SORL1: variants seen among roughly 807,000 people sequenced by gnomAD.
The protein encoded by SORL1 is sortilin-related receptor.
A neutral mutation model predicts 273.7 loss-of-function variants in SORL1; 127 were observed. The observed-to-expected ratio is 0.46, with a 90% confidence interval of 0.40 to 0.54. The LOEUF (loss-of-function observed/expected upper bound fraction) is 0.54. Ranked by LOEUF, SORL1 falls within the 20% of genes least tolerant of loss-of-function variation. The probability of loss-of-function intolerance (pLI) is 0.00; values close to 1 mark genes in which losing one functional copy is unlikely to be tolerated. For missense variants in SORL1, 2,494 were observed against 2,846.1 expected (o/e 0.88, Z 2.81); for synonymous variants, 1,031 against 1,067.4 (o/e 0.97, Z 0.66).
In SORL1 at chr11:121,589,383, C is replaced by T. The variant is rs1436823382; in HGVS notation, c.4071C>T (p.Ala1357=). Residue 1357 remains alanine (A), a synonymous_variant, in exon 29 of 48, where the codon GCC becomes GCT. Transcript: ENST00000260197. Reference sequence around the variant, plus strand: ...ATTGCGGCGATTATTCTGATGAAGCCAACTGCGGTAAGATGTCCAGTCTGC... The same window carrying T: ...ATTGCGGCGATTATTCTGATGAAGCTAACTGCGGTAAGATGTCCAGTCTGC... ...MDDCGDYSDE[A]NCENPTEAPN... is the part of the protein sequence containing the mutation. 1.9e-6 allele frequency: 3 copies of T among 1,613,158 alleles called. No homozygotes were observed. The highest frequency in any genetic ancestry group is 2.5e-6 in the Non-Finnish European group (3 of 1,179,186).
intron 27 of SORL1, among the ~76,000 whole-genome samples, chr11:121,587,724 G>T (rs1863138615): frequency 6.6e-6 from 1 of 152,058 alleles, no homozygotes; most frequent in South Asian, 2.1e-4. Flanking sequence ...TTCACTTTTG[G>T]CTTCATCTTC....
intron 11 of SORL1, among the ~76,000 whole-genome samples, chr11:121,525,534 A>T (rs1016431529): frequency 1.3e-5 from 2 of 152,196 alleles, no homozygotes; most frequent in African/African-American, 4.8e-5. Flanking sequence ...TCCCTTTTAC[A>T]TTTCCACCAA....
intron 25 of SORL1, among the ~76,000 whole-genome samples, chr11:121,580,650 G>A (rs1466143205): frequency 1.4e-5 from 2 of 147,002 alleles, no homozygotes; most frequent in Non-Finnish European, 3.0e-5. Flanking sequence ...TGTCTCCCAG[G>A]CTGGAGGGTA....
intron 24 of SORL1, among the ~76,000 whole-genome samples, chr11:121,576,094 T>A (rs1174848462): frequency 6.6e-6 from 1 of 152,252 alleles, no homozygotes; most frequent in Non-Finnish European, 1.5e-5. Flanking sequence ...TGGCTGCTCC[T>A]GTTTTCTGAC....
chr11:121,466,332 G>A (rs1861081870), intron 1 of SORL1, among the ~76,000 whole-genome samples: 1 of 152,072 alleles, frequency 6.6e-6, no homozygotes, highest in South Asian at 2.1e-4. Context: ...ATTGGCGATG[G>A]AAAAAGGCTT....
At chr11:121,486,011 C>A (rs527736475) in intron 3 of SORL1, among the ~76,000 whole-genome samples, 1 of 152,254 alleles carries the variant, frequency 6.6e-6, no homozygotes, top group East Asian at 1.9e-4. Flanking sequence ...GTGAGCACAT[C>A]TGAAAGCAGC....
intron 12 of SORL1, among the ~76,000 whole-genome samples, chr11:121,541,205 T>A (rs1862342989): frequency 7.8e-6 from 1 of 128,396 alleles, no homozygotes; most frequent in Non-Finnish European, 1.8e-5. Flanking sequence ...AGCAGTATCT[T>A]TTTTTTTTTT....
At chr11:121,529,581 T>G (rs905689057) in intron 11 of SORL1, among the ~76,000 whole-genome samples, 8 of 148,652 alleles carry the variant, frequency 5.4e-5, no homozygotes, top group African/African-American at 1.7e-4. Context: ...ATTTAAAGTG[T>G]TTTTTTTTTC....
intron 2 of SORL1, among the ~76,000 whole-genome samples, chr11:121,471,485 C>G (rs918276248): frequency 1.3e-5 from 2 of 152,230 alleles, no homozygotes; most frequent in South Asian, 2.1e-4. Context: ...GGAGCAGCCC[C>G]TGCCTCAGCC....
chr11:121,553,699 C>G (rs1433501922), intron 16 of SORL1, among the ~76,000 whole-genome samples: 1 of 152,178 alleles, frequency 6.6e-6, no homozygotes, highest in Non-Finnish European at 1.5e-5. Flanking sequence ...AAAAACATAA[C>G]AAGTAAAACA....
rs1450489995 is a variant in SORL1, at chr11:121,546,395, A to G, written c.2051+966A>G. Among the ~76,000 whole-genome samples, 4 of 152,204 alleles carry G rather than the reference A, an allele frequency of 2.6e-5. No homozygotes were observed. The East Asian group carries it at 5.8e-4, about 22-fold the overall frequency. Reference sequence around the variant, plus strand: ...GCTGTAGGAAGAGGATTCTAGTGGCAGAGTACAGAGGATCTCAGAGCTCCT... The same window carrying G: ...GCTGTAGGAAGAGGATTCTAGTGGCGGAGTACAGAGGATCTCAGAGCTCCT... On this transcript the variant is annotated intron_variant, in intron 14 of 47. Transcript: ENST00000260197.
At chr11:121,461,045 G>C (rs116627213) in intron 1 of SORL1, among the ~76,000 whole-genome samples, 2 of 152,224 alleles carry the variant, frequency 1.3e-5, no homozygotes, top group African/African-American at 4.8e-5. Flanking sequence ...TGAGTGTCCT[G>C]TGAAACCAGA....
chr11:121,571,897 T>C (rs935029033), intron 23 of SORL1, among the ~76,000 whole-genome samples: 2 of 152,224 alleles, frequency 1.3e-5, no homozygotes, highest in African/African-American at 4.8e-5. Flanking sequence ...ATAAGGCCTA[T>C]AAAGCCTCCT....
chr11:121,592,381 C>T (rs1261185133), intron 31 of SORL1, among the ~76,000 whole-genome samples: 3 of 152,220 alleles, frequency 2.0e-5, no homozygotes, highest in African/African-American at 4.8e-5. Context: ...ATCAGAATTT[C>T]TGGGTGGAGC....
intron 31 of SORL1, among the ~76,000 whole-genome samples, chr11:121,593,551 C>T (rs935153859): frequency 6.6e-6 from 1 of 152,130 alleles, no homozygotes; most frequent in African/African-American, 2.4e-5. Context: ...CCTTGGAATT[C>T]TCTTTGCCTT....
intron 38 of SORL1, chr11:121,610,476 T>C (rs1863546645): frequency 6.6e-6 from 1 of 152,252 alleles, no homozygotes; most frequent in South Asian, 2.1e-4. Context: ...AGAGTATCAG[T>C]TGAGTGCTAG....
At chr11:121,465,039 A>C (rs1861062277) in intron 1 of SORL1, among the ~76,000 whole-genome samples, 2 of 152,274 alleles carry the variant, frequency 1.3e-5, no homozygotes, top group South Asian at 4.1e-4. Flanking sequence ...ACATTACATA[A>C]AATTAGCCAT....
At position 121,632,768 on chromosome 11, in the gene SORL1, A is replaced by C. The variant is rs1243810597; in HGVS notation, c.*3205A>C. 1 of 152,038 alleles carries C rather than the reference A, an allele frequency of 6.6e-6. No individual in the cohort carries two copies. The highest frequency in any genetic ancestry group is 1.5e-5 in the Non-Finnish European group (1 of 68,022). The allele number at this position is 152,038 out of a possible 1,614,324, so 9.4% of individuals were successfully genotyped here. ...TACCAAGTGGTCACTGCATCTAGTAAGATTATATTTCCAGTACACTTCCTT... is the reference window on the plus strand; with the variant it reads ...TACCAAGTGGTCACTGCATCTAGTACGATTATATTTCCAGTACACTTCCTT... On this transcript the variant is annotated 3_prime_UTR_variant, in exon 48 of 48. Transcript: ENST00000260197.
intron 4 of SORL1, among the ~76,000 whole-genome samples, chr11:121,489,541 G>A (rs1420306454): frequency 2.0e-5 from 3 of 152,156 alleles, no homozygotes; most frequent in East Asian, 1.9e-4. Flanking sequence ...CCATATTGTA[G>A]CATGTGTCAA....
Sources: allele counts gnomAD v4.1 joint callset (sites outside exome capture counted in the v4.1 genomes callset), GRCh38; gene constraint gnomAD v4.1.1; transcripts MANE v1.5; gene names NCBI Gene and HGNC (gene_info 2026-07-23, HGNC 2026-07-21).